Variants in PTGIS observed in about 807,000 individuals in gnomAD.
PTGIS encodes prostaglandin I2 synthase.
Under a neutral mutation model 50.3 loss-of-function variants are expected in PTGIS, and 45 were observed. That is an observed-to-expected ratio of 0.90 (90% CI 0.70 to 1.15). The LOEUF (loss-of-function observed/expected upper bound fraction) is 1.15. PTGIS is among the 50% of genes most tolerant of loss of function. PTGIS has a pLI of 0.00. For missense variants in PTGIS, 668 were observed against 661.3 expected, an observed-to-expected ratio of 1.01 and a Z score of -0.11; for synonymous variants, 260 against 267.7, an observed-to-expected ratio of 0.97 and a Z score of 0.28.
chr20:49,534,313 CAA>C (rs1320985142), intron 5 of PTGIS, among the ~76,000 whole-genome samples: 2 of 152,158 alleles, frequency 1.3e-5, no homozygotes, highest in Non-Finnish European at 2.9e-5. Context: ...CAGGTTCTGC[CAA>C]AAGAGGCTGC....
At chr20:49,512,814 A>T (rs1601178139) in intron 8 of PTGIS, among the ~76,000 whole-genome samples, 1 of 152,152 alleles carries the variant, frequency 6.6e-6, no homozygotes, top group African/African-American at 2.4e-5. Context: ...AGCCAAAGAG[A>T]TATCAGAAGG....
chr20:49,561,244 T>C (rs896458010), intron 1 of PTGIS, among the ~76,000 whole-genome samples: 1 of 152,076 alleles, frequency 6.6e-6, no homozygotes, highest in Admixed American at 6.6e-5. Context: ...GGACAGCTCG[T>C]GGGCAGGAGC....
chr20:49,522,421 C>A (rs1193928669), intron 6 of PTGIS, among the ~76,000 whole-genome samples: 3 of 152,112 alleles, frequency 2.0e-5, no homozygotes, highest in Non-Finnish European at 4.4e-5. Context: ...CCTTGACTCT[C>A]TGCCCCCTGT....
At chr20:49,526,469 T>C (rs16994679) in intron 5 of PTGIS, among the ~76,000 whole-genome samples, 1,760 of 152,228 alleles carry the variant, frequency 0.012, 33 homozygotes, top group African/African-American at 0.036. Flanking sequence ...TCTGAGTACA[T>C]AGGAGGCACT....
At chr20:49,556,232 C>A (rs78161394) in intron 1 of PTGIS, among the ~76,000 whole-genome samples, 6,292 of 152,102 alleles carry the variant, frequency 0.041, 421 homozygotes, top group African/African-American at 0.14. Flanking sequence ...AGTTATTTGC[C>A]TAAGTATCTT....
Position 49,541,028 on chromosome 20 carries a change from C to A in PTGIS, c.522-1307G>T, listed in dbSNP as rs146617085. 2.7e-3 allele frequency among the ~76,000 whole-genome samples: 411 copies of A among 152,312 alleles called. 4 individuals are homozygous for A. Among genetic ancestry groups the A allele is most frequent in the African/African-American group, 9.3e-3 (385 of 41,560 alleles). On this transcript the variant is annotated intron_variant, in intron 4 of 9. Coordinates refer to ENST00000244043, the MANE Select transcript of PTGIS (RefSeq NM_000961.4). ...TGCGTGGTCCCTGCTCTGTCCCTCA[C>A]CTGCACAGTGGTGGCAGAAGTTGTA...
intron 5 of PTGIS, among the ~76,000 whole-genome samples, chr20:49,527,181 C>G (rs139485115): frequency 6.6e-6 from 1 of 151,540 alleles, no homozygotes; most frequent in Non-Finnish European, 1.5e-5. Flanking sequence ...TGGTGGCTCA[C>G]GCCTGCAATC....
chr20:49,543,354 C>A (rs568017481), intron 4 of PTGIS, among the ~76,000 whole-genome samples: 49 of 152,274 alleles, frequency 3.2e-4, no homozygotes, highest in Admixed American at 1.7e-3. Context: ...CCCTCCTTAC[C>A]CCTACAGTCC....
chr20:49,518,569 G>T (rs1469464643), intron 6 of PTGIS, among the ~76,000 whole-genome samples: 3 of 151,992 alleles, frequency 2.0e-5, no homozygotes. Flanking sequence ...ATTAGGGAAA[G>T]CTGGGTGAAG....
At chr20:49,561,625 C>T (rs947043608) in intron 1 of PTGIS, among the ~76,000 whole-genome samples, 1 of 152,214 alleles carries the variant, frequency 6.6e-6, no homozygotes, top group East Asian at 1.9e-4. Flanking sequence ...GGCATGGTCA[C>T]GATGAGCCCA....
At chr20:49,523,354 G>T (rs1276259077) in intron 6 of PTGIS, among the ~76,000 whole-genome samples, 1 of 152,074 alleles carries the variant, frequency 6.6e-6, no homozygotes, top group African/African-American at 2.4e-5. Flanking sequence ...GAGAGAGAGA[G>T]ACAGAGAGAG....
chr20:49,543,712 C>T (rs961075490), intron 4 of PTGIS, among the ~76,000 whole-genome samples: 1 of 152,166 alleles, frequency 6.6e-6, no homozygotes, highest in Non-Finnish European at 1.5e-5. Context: ...CCTCGTCAGT[C>T]GGCCTAAGAA....
At chr20:49,562,279 C>T (rs1020534320) in intron 1 of PTGIS, among the ~76,000 whole-genome samples, 3 of 152,186 alleles carry the variant, frequency 2.0e-5, no homozygotes, top group South Asian at 2.1e-4. Flanking sequence ...TCTTTGCAGG[C>T]GGGAGCAGGC....
At chr20:49,522,403 A>G (rs568516632) in intron 6 of PTGIS, among the ~76,000 whole-genome samples, 1 of 152,158 alleles carries the variant, frequency 6.6e-6, no homozygotes, top group South Asian at 2.1e-4. Context: ...ATCACCTTGT[A>G]TATGTTTCCT....
At chr20:49,563,767 G>A (rs529058929) in intron 1 of PTGIS, among the ~76,000 whole-genome samples, 2 of 152,268 alleles carry the variant, frequency 1.3e-5, no homozygotes, top group South Asian at 2.1e-4. Context: ...ATCCTGCAAG[G>A]GCCCAGACCA....
chr20:49,522,094 C>A (rs1981666313), intron 6 of PTGIS, among the ~76,000 whole-genome samples: 1 of 152,032 alleles, frequency 6.6e-6, no homozygotes, highest in Non-Finnish European at 1.5e-5. Flanking sequence ...TTTATGAGGA[C>A]CCACAAGGCC....
chr20:49,515,866 A>C (rs771575145), intron 6 of PTGIS, among the ~76,000 whole-genome samples: 37 of 151,904 alleles, frequency 2.4e-4, no homozygotes, highest in Non-Finnish European at 4.1e-4. Context: ...AGAAATATAC[A>C]TGAAGAAGTA....
At position 49,507,940 on chromosome 20, in the gene PTGIS, G is replaced by A. The variant is rs774641163; in HGVS notation, c.1483C>T (p.Arg495Cys). The A allele has an allele frequency of 1.5e-5, 24 of 1,612,742 alleles. 1 individual carries two copies. Among genetic ancestry groups the A allele is most frequent in the African/African-American group, 1.2e-4 (9 of 74,922 alleles). The change falls in exon 10 of 10, where the codon CGC becomes TGC. Residue 495 changes from arginine to cysteine, a missense_variant. By Grantham distance (180) the Arg-to-Cys change is radical. Coordinates refer to ENST00000244043, the MANE Select transcript of PTGIS (RefSeq NM_000961.4). ...CTGTGTCATGGGCGGATGCGGTAGCGGACGGGCACGTCGTGTTCCGGCTGC... is the reference window on the plus strand; with the variant it reads ...CTGTGTCATGGGCGGATGCGGTAGCAGACGGGCACGTCGTGTTCCGGCTGC... ...LMQPEHDVPV[R>C]YRIRP
chr20:49,559,914 T>C (rs1325799516), intron 1 of PTGIS, among the ~76,000 whole-genome samples: 1 of 146,670 alleles, frequency 6.8e-6, no homozygotes, highest in East Asian at 2.0e-4. Context: ...CTAGAAACTA[T>C]TGAATTATAC....
Sources: gnomAD v4.1 joint callset for allele counts (sites outside exome capture counted in the v4.1 genomes callset) on GRCh38, gnomAD v4.1.1 for gene constraint, MANE v1.5 for transcripts, NCBI Gene and HGNC (gene_info 2026-07-23, HGNC 2026-07-21) for gene names.